KHDRBS2: variants seen among roughly 807,000 people sequenced by gnomAD.
The protein encoded by KHDRBS2 is KH RNA binding domain containing, signal transduction associated 2.
A neutral mutation model predicts 44.3 loss-of-function variants in KHDRBS2; 26 were observed. The ratio of observed to expected loss-of-function variants is 0.59; its 90% confidence interval spans 0.43 to 0.81. KHDRBS2 has a LOEUF of 0.81. Among genes scored for constraint, KHDRBS2 ranks in the 40% least tolerant of loss-of-function variants. The pLI is 0.00. For synonymous variants in KHDRBS2, 194 were observed against 151.1 expected (o/e 1.28, Z -2.08); for missense variants, 476 against 433.1 (o/e 1.10, Z -0.88).
intron 7 of KHDRBS2, among the ~76,000 whole-genome samples, chr6:61,713,293 A>T (rs1770834502): frequency 6.6e-6 from 1 of 151,718 alleles, no homozygotes; most frequent in African/African-American, 2.4e-5. Flanking sequence ...CATGAACTTA[A>T]TAATATATCA....
intron 1 of KHDRBS2, among the ~76,000 whole-genome samples, chr6:62,256,140 G>GAAA (rs70996213): frequency 1.9e-4 from 28 of 149,778 alleles, no homozygotes; most frequent in Non-Finnish European, 3.9e-4. Context: ...AACTCCGAAA[G>GAAA]AAAAAAAAAC....
intron 6 of KHDRBS2, among the ~76,000 whole-genome samples, chr6:61,880,088 T>C (rs1249987436): frequency 6.6e-6 from 1 of 151,906 alleles, no homozygotes; most frequent in African/African-American, 2.4e-5. Context: ...CAGGAGGAAT[T>C]CTAAATTGGG....
At chr6:62,273,064 C>A (rs762440404) in intron 1 of KHDRBS2, among the ~76,000 whole-genome samples, 6 of 152,066 alleles carry the variant, frequency 3.9e-5, no homozygotes, top group Non-Finnish European at 7.4e-5. Flanking sequence ...GTCTTTAATT[C>A]TAGGAAGAAA....
the KHDRBS2 span, among the ~76,000 whole-genome samples, chr6:61,658,427 A>T: frequency 1.3e-5 from 2 of 151,872 alleles, no homozygotes; most frequent in Non-Finnish European, 2.9e-5. Flanking sequence ...TCCACATCTG[A>T]CCTTCCATTC....
In KHDRBS2 at chr6:61,983,200, T is replaced by TTTTCTTTCTTTCTTTC. The variant is rs70993191; in HGVS notation, c.337-5004_337-4989dup. 4.8e-3 allele frequency among the ~76,000 whole-genome samples: 219 copies of TTTTCTTTCTTTCTTTC among 46,010 alleles called. 8 individuals are homozygous for TTTTCTTTCTTTCTTTC. Among genetic ancestry groups the TTTTCTTTCTTTCTTTC allele is most frequent in the East Asian group, 0.039 (47 of 1,212 alleles). The allele number at this position is 46,010 out of a possible 152,430, so 30.2% of individuals were successfully genotyped here. A position where few individuals can be genotyped will look rare whatever the true frequency, so the allele number is the denominator to read the frequency against. ...TTTTGAGTAATTAAAGTTTTTTTCA[T>TTTTCTTTCTTTCTTTC]TTTCTTTCTTTCTTTCTTTCTTTCT... On this transcript the variant is annotated intron_variant, in intron 3 of 8. Transcript: ENST00000281156.
chr6:61,559,099 G>T, the KHDRBS2 span, among the ~76,000 whole-genome samples: 1 of 152,102 alleles, frequency 6.6e-6, no homozygotes, highest in Non-Finnish European at 1.5e-5. Flanking sequence ...GGGTGCTGCA[G>T]TGTTGGATGC....
intron 4 of KHDRBS2, among the ~76,000 whole-genome samples, chr6:61,925,753 T>G (rs1431085273): frequency 6.6e-6 from 1 of 151,378 alleles, no homozygotes; most frequent in Non-Finnish European, 1.5e-5. Flanking sequence ...AAATTTGTAG[T>G]TTTGTGGGGC....
At chr6:61,770,233 G>GA (rs899711563) in intron 6 of KHDRBS2, among the ~76,000 whole-genome samples, 1 of 152,002 alleles carries the variant, frequency 6.6e-6, no homozygotes, top group Non-Finnish European at 1.5e-5. Context: ...ACAAAGATGG[G>GA]AAAAAAACAG....
intron 7 of KHDRBS2, 85 bp downstream of exon 7, chr6:61,732,597 A>C: frequency 1.3e-6 from 1 of 793,660 alleles, no homozygotes; most frequent in Non-Finnish European, 2.2e-6. Context: ...AAATTCTCAC[A>C]TGATATAATT....
At chr6:61,773,486 G>T (rs372945722) in intron 6 of KHDRBS2, among the ~76,000 whole-genome samples, 1 of 151,932 alleles carries the variant, frequency 6.6e-6, no homozygotes, top group African/African-American at 2.4e-5. Flanking sequence ...TTTTGATGGG[G>T]TTGTTTGTTT....
At chr6:61,774,964 C>T (rs565411994) in intron 6 of KHDRBS2, among the ~76,000 whole-genome samples, 1 of 152,146 alleles carries the variant, frequency 6.6e-6, no homozygotes, top group African/African-American at 2.4e-5. Context: ...GGCTTCAACC[C>T]CGGGATGCAA....
chr6:61,572,670 G>A, the KHDRBS2 span, among the ~76,000 whole-genome samples: 1 of 152,148 alleles, frequency 6.6e-6, no homozygotes, highest in East Asian at 1.9e-4. Flanking sequence ...TTTAACATAT[G>A]CAAGTCAATA....
intron 3 of KHDRBS2, among the ~76,000 whole-genome samples, chr6:61,986,084 A>C (rs970471303): frequency 1.3e-5 from 2 of 152,188 alleles, no homozygotes; most frequent in African/African-American, 4.8e-5. Context: ...GATATTTATT[A>C]TCTGTGATGT....
chr6:61,894,755 A>G lies in KHDRBS2; in HGVS notation c.690T>C (p.Arg230=), dbSNP rs1802608905. The part of the protein sequence containing the change: ...VLTPRGSTVT[R]GALPVPPVAR... ...CTACAGGTGGCACTGGAAGCGCTCC[A>G]CGGGTTACAGTGCTTCCCCGAGGGG... is the stretch of plus-strand genomic sequence containing the variant. Residue 230 remains arginine, a synonymous_variant, in exon 6 of 9, where the codon CGT becomes CGC. Transcript: ENST00000281156. The G allele has an allele frequency of 6.2e-7, 1 of 1,613,352 alleles. No individual in the cohort carries two copies. Among genetic ancestry groups the G allele is most frequent in the South Asian group, 1.1e-5 (1 of 90,992 alleles).
At chr6:62,189,259 C>T (rs1824095366) in intron 1 of KHDRBS2, among the ~76,000 whole-genome samples, 1 of 152,136 alleles carries the variant, frequency 6.6e-6, no homozygotes, top group Non-Finnish European at 1.5e-5. Context: ...TTGCTAACAG[C>T]AGTGTGAGAG....
chr6:61,954,879 T>TAC (rs1562514243), intron 4 of KHDRBS2, among the ~76,000 whole-genome samples: 5 of 144,402 alleles, frequency 3.5e-5, no homozygotes, highest in Non-Finnish European at 7.6e-5. Flanking sequence ...CATATGTGTA[T>TAC]ATATGTATAT....
intron 1 of KHDRBS2, among the ~76,000 whole-genome samples, chr6:62,204,429 A>AC (rs1471418434): frequency 3.3e-5 from 5 of 152,246 alleles, no homozygotes; most frequent in Admixed American, 1.3e-4. Context: ...ACTGGTTGGG[A>AC]CCAGAAGAGT....
At chr6:61,738,190 G>A (rs946363520) in intron 6 of KHDRBS2, among the ~76,000 whole-genome samples, 2 of 151,812 alleles carry the variant, frequency 1.3e-5, no homozygotes, top group Non-Finnish European at 2.9e-5. Flanking sequence ...CAGTCCCAAC[G>A]CAGAATTTCC....
At chr6:62,166,171 T>C (rs1206937455) in intron 2 of KHDRBS2, among the ~76,000 whole-genome samples, 1 of 152,066 alleles carries the variant, frequency 6.6e-6, no homozygotes, top group African/African-American at 2.4e-5. Context: ...ATTATAAGGC[T>C]GAATAACATT....
Sources: allele counts gnomAD v4.1 joint callset (sites outside exome capture counted in the v4.1 genomes callset), GRCh38; gene constraint gnomAD v4.1.1; transcripts MANE v1.5; gene names NCBI Gene and HGNC (gene_info 2026-07-23, HGNC 2026-07-21).